Variants in RERG observed in about 807,000 individuals in gnomAD.
The protein encoded by RERG is RAS like estrogen regulated growth inhibitor.
A neutral mutation model predicts 23.2 loss-of-function variants in RERG; 25 were observed. That is an observed-to-expected ratio of 1.08 (90% CI 0.79 to 1.50). The LOEUF (loss-of-function observed/expected upper bound fraction) is 1.50, where lower values mean the gene tolerates loss of function less well. Among genes scored for constraint, RERG ranks in the 40% most tolerant of loss-of-function variants. The pLI, the probability that RERG is intolerant of heterozygous loss-of-function variation, is 0.00. For synonymous variants in RERG, 81 were observed against 89.1 expected, an observed-to-expected ratio of 0.91 and a Z score of 0.51; for missense variants, 253 against 250.1, an observed-to-expected ratio of 1.01 and a Z score of -0.08.
intron 3 of RERG, among the ~76,000 whole-genome samples, chr12:15,118,817 C>T (rs192847635): frequency 4.6e-5 from 7 of 152,210 alleles, no homozygotes; most frequent in East Asian, 1.9e-4. Flanking sequence ...AATGCTTCCA[C>T]GCTTCCTGTA....
intron 2 of RERG, among the ~76,000 whole-genome samples, chr12:15,196,902 T>C (rs1865152772): frequency 6.6e-6 from 1 of 152,098 alleles, no homozygotes; most frequent in African/African-American, 2.4e-5. Context: ...GAAGTGAGAA[T>C]TCTAATCATA....
At chr12:15,187,208 C>G (rs917128552) in intron 2 of RERG, among the ~76,000 whole-genome samples, 2 of 151,992 alleles carry the variant, frequency 1.3e-5, no homozygotes, top group African/African-American at 4.8e-5. Flanking sequence ...AACCAGCTCT[C>G]AAGGCAACAA....
chr12:15,169,879 A>T (rs917944955), intron 2 of RERG, among the ~76,000 whole-genome samples: 6 of 151,926 alleles, frequency 3.9e-5, no homozygotes, highest in African/African-American at 1.5e-4. Context: ...CAAACACCAC[A>T]CAAGCAATGA....
chr12:15,214,115 C>T (rs1411682820), intron 2 of RERG, among the ~76,000 whole-genome samples: 1 of 151,484 alleles, frequency 6.6e-6, no homozygotes, highest in Non-Finnish European at 1.5e-5. Flanking sequence ...GCAAGTATAT[C>T]TTTAATTGTA....
chr12:15,184,068 C>T (rs2136130595), intron 2 of RERG, among the ~76,000 whole-genome samples: 1 of 152,282 alleles, frequency 6.6e-6, no homozygotes, highest in African/African-American at 2.4e-5. Context: ...CCCAGTGACA[C>T]TCATGAGTCA....
intron 4 of RERG, among the ~76,000 whole-genome samples, chr12:15,110,318 ATGGAAAAG>A (rs970916587): frequency 2.0e-5 from 3 of 152,090 alleles, no homozygotes; most frequent in South Asian, 2.1e-4. Flanking sequence ...TGGTGATGAG[ATGGAAAAG>A]TGGAAAAGTG....
Position 15,190,111 on chromosome 12 carries a change from T to C in RERG, c.61+27318A>G, listed in dbSNP as rs368865193. Reference sequence around the variant, plus strand: ...CTGTAAGAATTAAAGTAGATGAGGATAGCTTAAAGGCTTAAAGCAGCTTAG... The same window carrying C: ...CTGTAAGAATTAAAGTAGATGAGGACAGCTTAAAGGCTTAAAGCAGCTTAG... On this transcript the variant is annotated intron_variant, in intron 2 of 4. Transcript: ENST00000256953. 1.6e-4 allele frequency among the ~76,000 whole-genome samples: 25 copies of C among 152,228 alleles called. No homozygotes were observed. The East Asian group carries it at 3.9e-3, about 24-fold the overall frequency.
At chr12:15,150,458 A>G (rs1473208005) in intron 2 of RERG, among the ~76,000 whole-genome samples, 1 of 152,204 alleles carries the variant, frequency 6.6e-6, no homozygotes, top group African/African-American at 2.4e-5. Flanking sequence ...ACAGGGATAA[A>G]GAATATCTAA....
At chr12:15,166,756 C>A (rs549996556) in intron 2 of RERG, among the ~76,000 whole-genome samples, 18 of 150,904 alleles carry the variant, frequency 1.2e-4, no homozygotes, top group Admixed American at 2.6e-4. Flanking sequence ...TACTGCCTGA[C>A]AAACGGATGG....
chr12:15,163,360 AT>A lies in RERG; in HGVS notation c.62-42242del, dbSNP rs745395478. ...AAACGTTGCCCTTGTTAATTTTCCA[AT>A]GAATATACAGATTTGAAAGCAAAGG... On this transcript the variant is annotated intron_variant, in intron 2 of 4. Coordinates refer to ENST00000256953, the MANE Select transcript of RERG (RefSeq NM_032918.3). Among the ~76,000 whole-genome samples the A allele has an allele frequency of 7.9e-5, 12 of 152,330 alleles. 1 individual carries two copies. The South Asian group carries it at 2.5e-3, about 32-fold the overall frequency.
chr12:15,128,750 G>A (rs1489852101), intron 2 of RERG, among the ~76,000 whole-genome samples: 3 of 152,146 alleles, frequency 2.0e-5, no homozygotes, highest in Non-Finnish European at 2.9e-5. Context: ...ATAATGGTTT[G>A]TCTTCCAGCT....
At chr12:15,209,812 G>T (rs1231405186) in intron 2 of RERG, among the ~76,000 whole-genome samples, 1 of 152,180 alleles carries the variant, frequency 6.6e-6, no homozygotes, top group African/African-American at 2.4e-5. Context: ...GAAAACCTTT[G>T]ATAGCAAAGT....
chr12:15,187,554 T>G (rs1388858429), intron 2 of RERG, among the ~76,000 whole-genome samples: 1 of 147,164 alleles, frequency 6.8e-6, no homozygotes, highest in Non-Finnish European at 1.5e-5. Context: ...AAATAAATGC[T>G]CTGAGAACCT....
At chr12:15,126,135 ATATATATATATATATATG>A (rs1396752207) in intron 2 of RERG, among the ~76,000 whole-genome samples, 4 of 139,404 alleles carry the variant, frequency 2.9e-5, no homozygotes, top group East Asian at 4.1e-4. Flanking sequence ...TACCATATAT[ATATATATATATATATATG>A]TATTTACACA....
Position 15,109,042 on chromosome 12 carries a change from T to G in RERG, c.*68A>C, listed in dbSNP as rs1863549124. 4 of 1,403,170 alleles carry G rather than the reference T, an allele frequency of 2.9e-6. No homozygotes were observed. Among genetic ancestry groups the G allele is most frequent in the Non-Finnish European group, 2.9e-6 (3 of 1,041,244 alleles). 86.9% of individuals were successfully genotyped at this position (1,403,170 alleles called of 1,614,324 possible). Reference sequence around the variant, plus strand: ...CAAACAAAGAATGCAATATTTTGTTTTATTTTTGAAAGGGGAACAGAAGGG... The same window carrying G: ...CAAACAAAGAATGCAATATTTTGTTGTATTTTTGAAAGGGGAACAGAAGGG... On this transcript the variant is annotated 3_prime_UTR_variant, in exon 5 of 5. Transcript: ENST00000256953.
chr12:15,143,835 C>T (rs59568450), intron 2 of RERG, among the ~76,000 whole-genome samples: 14,402 of 152,040 alleles, frequency 0.095, 1,455 homozygotes, highest in African/African-American at 0.25. Context: ...AGGAAGGTGA[C>T]CAAAGAAGGT....
chr12:15,219,661 A>T (rs1350913388), intron 1 of RERG, among the ~76,000 whole-genome samples: 2 of 152,260 alleles, frequency 1.3e-5, no homozygotes, highest in Non-Finnish European at 2.9e-5. Flanking sequence ...TATTTAAATT[A>T]TAAATGAGAA....
chr12:15,156,904 A>G (rs1249321454), intron 2 of RERG, among the ~76,000 whole-genome samples: 1 of 152,224 alleles, frequency 6.6e-6, no homozygotes, highest in Non-Finnish European at 1.5e-5. Flanking sequence ...GGATAAAAAT[A>G]GTGCCTATCT....
chr12:15,143,490 T>C (rs746916684), intron 2 of RERG, among the ~76,000 whole-genome samples: 35 of 152,158 alleles, frequency 2.3e-4, no homozygotes, highest in Admixed American at 1.9e-3. Context: ...ATTTAAGCCA[T>C]TGTATTCATT....
Sources: allele counts gnomAD v4.1 joint callset (sites outside exome capture counted in the v4.1 genomes callset), GRCh38; gene constraint gnomAD v4.1.1; transcripts MANE v1.5; gene names NCBI Gene and HGNC (gene_info 2026-07-23, HGNC 2026-07-21).